Variants in SINHCAF observed in about 807,000 individuals in gnomAD.
SINHCAF encodes the protein SIN3-HDAC complex-associated factor.
In SINHCAF, 3 loss-of-function variants were observed where a neutral mutation model predicts 25.8. The observed-to-expected ratio is 0.12, with a 90% CI of 0.05 to 0.30. The LOEUF (loss-of-function observed/expected upper bound fraction) is 0.30, where lower values mean the gene tolerates loss of function less well. Ranked by LOEUF, SINHCAF falls within the 10% of genes least tolerant of loss-of-function variation. The pLI is 1.00. For missense variants in SINHCAF, 121 were observed against 262.3 expected (o/e 0.46, Z 3.72); for synonymous variants, 70 against 85.5 (o/e 0.82, Z 1.00).
chr12:31,297,068 GA>G lies in SINHCAF; in HGVS notation c.128+1008del, dbSNP rs566716716. The G allele has an allele frequency of 2.7e-3, 1,089 of 407,722 alleles. 18 individuals carry two copies. Among genetic ancestry groups the G allele is most frequent in the African/African-American group, 0.021 (1,005 of 48,134 alleles). 25.3% of individuals were successfully genotyped at this position (407,722 alleles called of 1,614,324 possible). ...CTCTTTAAAAAAGAAAAGAAAAAAA[GA>G]ATGATTTCCCATGTTAGAAATTACT... On this transcript the variant is annotated intron_variant, in intron 2 of 5. Transcript: ENST00000337682.
intron 3 of SINHCAF, 65 bp downstream of exon 3, chr12:31,295,169 G>A (rs1938499235): frequency 2.1e-6 from 2 of 972,298 alleles, no homozygotes; most frequent in Non-Finnish European, 3.1e-6. Context: ...CCTAAATTAG[G>A]GGGAAATTAA....
chr12:31,313,178 C>T (rs1002203497), intron 1 of SINHCAF, among the ~76,000 whole-genome samples: 7 of 152,068 alleles, frequency 4.6e-5, no homozygotes, highest in African/African-American at 1.7e-4. Context: ...GTACCCGCCA[C>T]CACGCCCAGC....
intron 1 of SINHCAF, among the ~76,000 whole-genome samples, chr12:31,298,817 G>A (rs1219636904): frequency 1.3e-5 from 2 of 152,130 alleles, no homozygotes; most frequent in Non-Finnish European, 2.9e-5. Context: ...CTGAAGGGAA[G>A]ATGTAAAATT....
chr12:31,294,689 A>G (rs1007537356), intron 3 of SINHCAF, among the ~76,000 whole-genome samples: 2 of 152,198 alleles, frequency 1.3e-5, no homozygotes, highest in African/African-American at 4.8e-5. Flanking sequence ...ACTGTCATCA[A>G]AGGACAATGT....
intron 1 of SINHCAF, among the ~76,000 whole-genome samples, chr12:31,302,134 C>A (rs1049923111): frequency 2.6e-5 from 4 of 152,132 alleles, no homozygotes; most frequent in African/African-American, 9.7e-5. Flanking sequence ...GAACAGACCC[C>A]ATACAATCTC....
chr12:31,310,376 T>C (rs1046702510), intron 1 of SINHCAF, among the ~76,000 whole-genome samples: 1 of 152,142 alleles, frequency 6.6e-6, no homozygotes, highest in Admixed American at 6.5e-5. Flanking sequence ...AAGCAGCATA[T>C]TGGGAGAAAT....
At chr12:31,284,633 G>A (rs936823454) in intron 5 of SINHCAF, among the ~76,000 whole-genome samples, 2 of 151,930 alleles carry the variant, frequency 1.3e-5, no homozygotes, top group Non-Finnish European at 2.9e-5. Context: ...TGTGAGGTAG[G>A]GAACCCAAGC....
intron 1 of SINHCAF, among the ~76,000 whole-genome samples, chr12:31,318,582 A>G (rs1436717029): frequency 1.3e-5 from 2 of 152,154 alleles, no homozygotes; most frequent in Non-Finnish European, 2.9e-5. Context: ...GTTAAAAATA[A>G]AATTACAAAT....
intron 5 of SINHCAF, among the ~76,000 whole-genome samples, chr12:31,286,047 C>A (rs1185759372): frequency 6.6e-6 from 1 of 151,628 alleles, no homozygotes; most frequent in Non-Finnish European, 1.5e-5. Flanking sequence ...TTACACTATG[C>A]ACTAGGCACT....
At chr12:31,297,308 G>T (rs1010309086) in intron 2 of SINHCAF, among the ~76,000 whole-genome samples, 1 of 151,764 alleles carries the variant, frequency 6.6e-6, no homozygotes, top group Non-Finnish European at 1.5e-5. Flanking sequence ...GGCATGTACC[G>T]CCACGTCTGG....
chr12:31,287,714 A>T lies in SINHCAF; in HGVS notation c.426T>A (p.Asp142Glu). ...AAGCCATCTCTGTATCTGAGCCGTC[A>T]TCTGACTGGTTACTGTAACAAGGAG... ...AQSPCYSNQS[D>E]DGSDTEMASG... The change falls in exon 5 of 6, where the codon GAT (aspartate) becomes GAA (glutamate). Residue 142 changes from aspartate (D) to glutamate (E), a missense_variant. Coordinates refer to ENST00000337682, the MANE Select transcript of SINHCAF (RefSeq NM_001135812.2). The T allele has an allele frequency of 6.2e-7, 1 of 1,611,728 alleles. No individual in the cohort carries two copies. Among genetic ancestry groups the T allele is most frequent in the Non-Finnish European group, 8.5e-7 (1 of 1,178,782 alleles).
intron 1 of SINHCAF, among the ~76,000 whole-genome samples, chr12:31,323,085 A>T (rs778885116): frequency 6.6e-6 from 1 of 151,888 alleles, no homozygotes; most frequent in Non-Finnish European, 1.5e-5. Context: ...CAGCCTCCTT[A>T]CAATGTTTCC....
At position 31,285,300 on chromosome 12, in the gene SINHCAF, AT is replaced by A. The variant is rs1937995168; in HGVS notation, c.506+2333del. Among the ~76,000 whole-genome samples the A allele has an allele frequency of 2.6e-5, 4 of 151,942 alleles. No individual in the cohort carries two copies. In the South Asian group the frequency reaches 8.3e-4, roughly 32 times the overall value. On this transcript the variant is annotated intron_variant, in intron 5 of 5. Coordinates refer to ENST00000337682, the MANE Select transcript of SINHCAF (RefSeq NM_001135812.2). ...CTACTCCGGAGGCTGAGACAGGAAA[AT>A]CGCTTGAACCCAGGAGGCGGAGGTT... is the stretch of plus-strand genomic sequence containing the variant.
chr12:31,296,417 T>C (rs1938551577), intron 2 of SINHCAF, among the ~76,000 whole-genome samples: 1 of 151,828 alleles, frequency 6.6e-6, no homozygotes, highest in East Asian at 1.9e-4. Context: ...CTGTCCGCCT[T>C]GGCCTCCCAA....
intron 1 of SINHCAF, among the ~76,000 whole-genome samples, chr12:31,316,547 T>C (rs1939502242): frequency 6.6e-6 from 1 of 152,082 alleles, no homozygotes; most frequent in Non-Finnish European, 1.5e-5. Context: ...TCTAATGAAA[T>C]TGGGAAGCCA....
chr12:31,286,416 C>T (rs924037234), intron 5 of SINHCAF, among the ~76,000 whole-genome samples: 2 of 152,072 alleles, frequency 1.3e-5, no homozygotes, highest in Admixed American at 1.3e-4. Context: ...AATCCCAACA[C>T]TTTGGGAGGC....
At chr12:31,306,894 T>C (rs144976748) in intron 1 of SINHCAF, among the ~76,000 whole-genome samples, 14 of 152,342 alleles carry the variant, frequency 9.2e-5, no homozygotes, top group African/African-American at 1.7e-4. Context: ...GTTCAGCCAG[T>C]TGGGCTGACT....
At position 31,280,757 on chromosome 12, in the gene SINHCAF, G is replaced by C. The variant is rs1356276633; in HGVS notation, c.*1955C>G. On this transcript the variant is annotated 3_prime_UTR_variant, in exon 6 of 6. Coordinates refer to ENST00000337682, the MANE Select transcript of SINHCAF (RefSeq NM_001135812.2). ...GCAAAGAGAGGTGGAAGGGGAAAAA[G>C]AAGACTGTGGTTGAGGTCTAGTAAT... 6.6e-6 allele frequency: 1 copy of C among 152,446 alleles called. No homozygotes were observed. Among genetic ancestry groups the C allele is most frequent in the Non-Finnish European group, 1.5e-5 (1 of 67,994 alleles). The allele number at this position is 152,446 out of a possible 1,614,324, so 9.4% of individuals were successfully genotyped here.
At position 31,306,756 on chromosome 12, in the gene SINHCAF, C is replaced by G. The variant is rs145501521; in HGVS notation, c.-20-8532G>C. Among the ~76,000 whole-genome samples the G allele has an allele frequency of 4.4e-3, 669 of 152,230 alleles. 6 individuals are homozygous for G. The highest frequency in any genetic ancestry group is 0.015 in the African/African-American group (641 of 41,532). Reference sequence around the variant, plus strand: ...ACTAGTCCATTTTTTTACGGGTTGCCCTGAGAAGGTTAAATACCCTCTCTC... The same window carrying G: ...ACTAGTCCATTTTTTTACGGGTTGCGCTGAGAAGGTTAAATACCCTCTCTC... On this transcript the variant is annotated intron_variant, in intron 1 of 5. Coordinates refer to ENST00000337682, the MANE Select transcript of SINHCAF (RefSeq NM_001135812.2).
Sources: allele counts gnomAD v4.1 joint callset (sites outside exome capture counted in the v4.1 genomes callset), GRCh38; gene constraint gnomAD v4.1.1; transcripts MANE v1.5; gene names NCBI Gene and HGNC (gene_info 2026-07-23, HGNC 2026-07-21).